Variants in CCDC169 observed in about 807,000 individuals in gnomAD.
CCDC169 encodes coiled-coil domain containing 169.
Under a neutral mutation model 36.0 loss-of-function variants are expected in CCDC169, and 30 were observed. The observed-to-expected ratio is 0.83, with a 90% CI of 0.62 to 1.13. CCDC169 has a LOEUF of 1.13. CCDC169 is among the 50% of genes most tolerant of loss of function. The probability of loss-of-function intolerance (pLI) is 0.00; values close to 1 mark genes in which losing one functional copy is unlikely to be tolerated. For missense variants in CCDC169, 245 were observed against 245.9 expected, an observed-to-expected ratio of 1.00 and a Z score of 0.03; for synonymous variants, 85 against 81.5, an observed-to-expected ratio of 1.04 and a Z score of -0.23.
chr13:36,245,936 A>G (rs1872456371), intron 7 of CCDC169, among the ~76,000 whole-genome samples: 1 of 152,192 alleles, frequency 6.6e-6, no homozygotes, highest in South Asian at 2.1e-4. Flanking sequence ...TTATTACTAT[A>G]TCCGTTAATG....
intron 4 of CCDC169, among the ~76,000 whole-genome samples, chr13:36,276,847 C>T (rs1253659223): frequency 2.6e-5 from 4 of 152,022 alleles, no homozygotes; most frequent in East Asian, 3.9e-4. Context: ...ATATACATCC[C>T]CTATATCTGT....
At chr13:36,252,380 AACTG>A (rs1475858883) in intron 6 of CCDC169, among the ~76,000 whole-genome samples, 9 of 152,316 alleles carry the variant, frequency 5.9e-5, no homozygotes, top group Non-Finnish European at 8.8e-5. Flanking sequence ...CCAACAATAG[AACTG>A]ACTTTCTCAA....
intron 2 of CCDC169, among the ~76,000 whole-genome samples, chr13:36,290,167 C>G (rs1248256545): frequency 6.6e-6 from 1 of 152,114 alleles, no homozygotes; most frequent in Non-Finnish European, 1.5e-5. Flanking sequence ...TAACCGAAGC[C>G]CCATTTTTAG....
intron 4 of CCDC169, 133 bp downstream of exon 4, chr13:36,283,336 A>G (rs1456366017): frequency 1.2e-5 from 10 of 844,450 alleles, no homozygotes; most frequent in Non-Finnish European, 1.6e-5. Flanking sequence ...GTTGTCCTTC[A>G]AACAGATCCC....
intron 4 of CCDC169, among the ~76,000 whole-genome samples, chr13:36,262,131 T>G (rs575538588): frequency 1.3e-5 from 2 of 152,246 alleles, no homozygotes; most frequent in African/African-American, 4.8e-5. Context: ...CCAACTTGAA[T>G]CTACCACCCA....
intron 4 of CCDC169, among the ~76,000 whole-genome samples, chr13:36,277,089 T>A (rs1449710892): frequency 6.6e-6 from 1 of 151,974 alleles, no homozygotes; most frequent in Admixed American, 6.5e-5. Context: ...ATAGATTGGA[T>A]AAAGGAAATG....
At position 36,254,075 on chromosome 13, in the gene CCDC169, G is replaced by A; in HGVS notation, c.384C>T (p.Tyr128=). Reference sequence around the variant, plus strand: ...ATTCTTGTTCCAGTTTAAGTGCATAGTATTTCACTTGACTTTCAAGAGTCT... The same window carrying A: ...ATTCTTGTTCCAGTTTAAGTGCATAATATTTCACTTGACTTTCAAGAGTCT... The part of the protein sequence containing the change: ...EKKTLESQVK[Y]YALKLEQESK... Residue 128 remains tyrosine, a synonymous_variant, in exon 5 of 8, where the codon TAC becomes TAT. Coordinates refer to ENST00000239859, the MANE Select transcript of CCDC169 (RefSeq NM_001144981.3). 1 of 1,548,624 alleles carries A rather than the reference G, an allele frequency of 6.5e-7. No individual in the cohort carries two copies. The highest frequency in any genetic ancestry group is 1.2e-5 in the South Asian group (1 of 83,502).
chr13:36,249,594 A>G (rs11842927), intron 6 of CCDC169, among the ~76,000 whole-genome samples: 24,267 of 152,232 alleles, frequency 0.16, 1,999 homozygotes, highest in Non-Finnish European at 0.18. Flanking sequence ...GAGAAAAAGA[A>G]AGCTAAGGTG....
intron 4 of CCDC169, among the ~76,000 whole-genome samples, chr13:36,257,165 A>G (rs1311710171): frequency 2.0e-5 from 3 of 152,196 alleles, no homozygotes; most frequent in African/African-American, 7.2e-5. Context: ...GGCTGTACAA[A>G]TAGAAAGTGA....
At chr13:36,275,212 A>C (rs563333054) in intron 4 of CCDC169, among the ~76,000 whole-genome samples, 1 of 152,296 alleles carries the variant, frequency 6.6e-6, no homozygotes, top group Admixed American at 6.5e-5. Flanking sequence ...CACACAAAAA[A>C]AAAGTAAAAA....
chr13:36,233,901 A>G (rs1389265728), intron 7 of CCDC169, among the ~76,000 whole-genome samples: 2 of 152,218 alleles, frequency 1.3e-5, no homozygotes, highest in East Asian at 1.9e-4. Flanking sequence ...GAAAGTTTGC[A>G]TTAATGTGGA....
At chr13:36,289,245 C>T (rs922362921) in intron 2 of CCDC169, among the ~76,000 whole-genome samples, 17 of 152,132 alleles carry the variant, frequency 1.1e-4, no homozygotes, top group African/African-American at 4.1e-4. Context: ...AGCTTTTTCT[C>T]CCCCTGAGAA....
At chr13:36,229,264 T>G (rs1870161673), downstream of CCDC169, among the ~76,000 whole-genome samples, 1 of 152,186 alleles carries the variant, frequency 6.6e-6, no homozygotes, top group South Asian at 2.1e-4. Context: ...AGAATACAGA[T>G]CTTGGAGTCC....
intron 2 of CCDC169, among the ~76,000 whole-genome samples, chr13:36,294,777 G>A (rs1213593279): frequency 6.6e-6 from 1 of 152,072 alleles, no homozygotes; most frequent in Non-Finnish European, 1.5e-5. Context: ...CAGGGGGTAC[G>A]TGACTGGGGG....
At chr13:36,232,300 A>T (rs1870523346) in intron 7 of CCDC169, among the ~76,000 whole-genome samples, 1 of 152,186 alleles carries the variant, frequency 6.6e-6, no homozygotes, top group East Asian at 1.9e-4. Flanking sequence ...TTCATTATTT[A>T]AACAGTCTGG....
intron 4 of CCDC169, among the ~76,000 whole-genome samples, chr13:36,254,912 G>A (rs527772100): frequency 1.7e-4 from 26 of 152,242 alleles, no homozygotes; most frequent in African/African-American, 6.0e-4. Context: ...CCCTCACATC[G>A]TGACCTGCCT....
In CCDC169 at chr13:36,295,861, T is replaced by C. The variant is rs1184488506; in HGVS notation, c.84-4A>G. 6.7e-7 allele frequency: 1 copy of C among 1,501,318 alleles called. No homozygotes were observed. The allele number at this position is 1,501,318 out of a possible 1,614,324, so 93.0% of individuals were successfully genotyped here. On this transcript the variant is annotated splice_polypyrimidine_tract_variant and splice_region_variant and intron_variant, in intron 1 of 7. Coordinates refer to ENST00000239859, the MANE Select transcript of CCDC169 (RefSeq NM_001144981.3). The stretch of plus-strand genomic sequence containing the variant: ...TATTGAGAGTTGCACTGCATCCCTG[T>C]TATTTAAAATATTTTTGTTGATTAT...
chr13:36,247,406 C>G (rs1257198670), intron 7 of CCDC169, among the ~76,000 whole-genome samples: 1 of 152,068 alleles, frequency 6.6e-6, no homozygotes, highest in African/African-American at 2.4e-5. Context: ...ATAGTGATTC[C>G]TCTGATGGGT....
At chr13:36,289,504 T>C (rs950757050) in intron 2 of CCDC169, among the ~76,000 whole-genome samples, 28 of 152,380 alleles carry the variant, frequency 1.8e-4, no homozygotes, top group African/African-American at 6.0e-4. Context: ...CTCATAACCC[T>C]GAACACATTC....
Sources: allele counts gnomAD v4.1 joint callset (sites outside exome capture counted in the v4.1 genomes callset), GRCh38; gene constraint gnomAD v4.1.1; transcripts MANE v1.5; gene names NCBI Gene and HGNC (gene_info 2026-07-23, HGNC 2026-07-21).